Variants in CCDC178 observed in about 807,000 individuals in gnomAD.
The protein encoded by CCDC178 is coiled-coil domain-containing protein 178.
Under a neutral mutation model 117.4 loss-of-function variants are expected in CCDC178, and 126 were observed. That is an observed-to-expected ratio of 1.07 (90% CI 0.93 to 1.24). The LOEUF (loss-of-function observed/expected upper bound fraction) is 1.24. Among genes scored for constraint, CCDC178 ranks in the 50% most tolerant of loss-of-function variants. The pLI is 0.00. For synonymous variants in CCDC178, 283 were observed against 313.4 expected, an observed-to-expected ratio of 0.90 and a Z score of 1.02; for missense variants, 1,030 against 986.9, an observed-to-expected ratio of 1.04 and a Z score of -0.59.
chr18:33,023,500 T>C (rs1429483032), intron 21 of CCDC178, among the ~76,000 whole-genome samples: 1 of 151,786 alleles, frequency 6.6e-6, no homozygotes, highest in Non-Finnish European at 1.5e-5. Context: ...TCAAGGGGAG[T>C]TTAAAAAGTA....
At chr18:33,368,263 T>A in intron 6 of CCDC178, among the ~76,000 whole-genome samples, 1 of 151,970 alleles carries the variant, frequency 6.6e-6, no homozygotes, top group East Asian at 1.9e-4. Flanking sequence ...GGTACATAAA[T>A]CACCATTACC....
chr18:33,427,797 T>C (rs2064142420), intron 2 of CCDC178, among the ~76,000 whole-genome samples: 1 of 152,202 alleles, frequency 6.6e-6, no homozygotes, highest in Non-Finnish European at 1.5e-5. Context: ...TTCTGGTAAT[T>C]ACTTGAGACT....
intron 21 of CCDC178, among the ~76,000 whole-genome samples, chr18:33,059,360 G>T (rs1217346270): frequency 6.6e-6 from 1 of 152,068 alleles, no homozygotes; most frequent in Non-Finnish European, 1.5e-5. Flanking sequence ...TGCTTACTCT[G>T]CATCGTCACT....
intron 20 of CCDC178, among the ~76,000 whole-genome samples, chr18:33,099,895 A>G (rs538090099): frequency 6.6e-6 from 1 of 152,172 alleles, no homozygotes; most frequent in South Asian, 2.1e-4. Flanking sequence ...TTAGTTTTAA[A>G]AGAACATTCT....
Position 33,370,204 on chromosome 18 carries a change from T to C in CCDC178, c.209-15A>G, listed in dbSNP as rs9965655. 0.98 allele frequency: 1,536,243 copies of C among 1,561,356 alleles called. 758,946 individuals carry two copies. The highest frequency in any genetic ancestry group is 1 in the East Asian group (42,372 of 42,372). The stretch of plus-strand genomic sequence containing the variant: ...TTTATTCACCCCTAAAGAGAACAAA[T>C]AGAAGTTCATTACTCATTCTATACA... On this transcript the variant is annotated splice_polypyrimidine_tract_variant and intron_variant, in intron 5 of 22. Transcript: ENST00000383096.
intron 3 of CCDC178, among the ~76,000 whole-genome samples, chr18:33,400,018 A>G (rs1336858344): frequency 2.0e-5 from 3 of 152,126 alleles, no homozygotes; most frequent in African/African-American, 4.8e-5. Context: ...GGCAGGTATG[A>G]AAACATTAAT....
chr18:33,303,389 G>A (rs765325480), intron 11 of CCDC178, among the ~76,000 whole-genome samples: 2 of 152,120 alleles, frequency 1.3e-5, no homozygotes, highest in Non-Finnish European at 2.9e-5. Context: ...GTAGTACAGT[G>A]CAACTATTGA....
At position 33,095,552 on chromosome 18, in the gene CCDC178, T is replaced by G. The variant is rs376828716; in HGVS notation, c.2239-2642A>C. On this transcript the variant is annotated intron_variant, in intron 20 of 22. Transcript: ENST00000383096. ...ATCATTTTGTTCGCCCTAAGAGATG[T>G]TGCACTGCGAAGATCTAACATAAGC... 6.0e-4 allele frequency among the ~76,000 whole-genome samples: 91 copies of G among 152,144 alleles called. 1 individual carries two copies. In the East Asian group the frequency reaches 0.013, roughly 22 times the overall value.
At chr18:33,124,422 T>C (rs2057977112) in intron 20 of CCDC178, among the ~76,000 whole-genome samples, 1 of 152,198 alleles carries the variant, frequency 6.6e-6, no homozygotes, top group Non-Finnish European at 1.5e-5. Context: ...AAATGAAAGA[T>C]GAGTTCTTTA....
At chr18:33,006,039 A>G (rs1435558328) in intron 21 of CCDC178, among the ~76,000 whole-genome samples, 2 of 152,066 alleles carry the variant, frequency 1.3e-5, no homozygotes, top group Non-Finnish European at 2.9e-5. Flanking sequence ...ATATGAGATA[A>G]TTTACAATTT....
chr18:32,994,265 T>C (rs574627352), intron 21 of CCDC178, among the ~76,000 whole-genome samples: 4 of 152,242 alleles, frequency 2.6e-5, no homozygotes, highest in Non-Finnish European at 5.9e-5. Flanking sequence ...CTTTAACTTA[T>C]GTTACTGAAC....
intron 21 of CCDC178, among the ~76,000 whole-genome samples, chr18:32,995,582 T>C (rs2055485979): frequency 6.6e-6 from 1 of 152,112 alleles, no homozygotes; most frequent in Admixed American, 6.6e-5. Context: ...TGCCTCTATT[T>C]CTAACATAAA....
chr18:33,328,082 G>GTTGTTTTTTTTT (rs2062609334), intron 10 of CCDC178: 1 of 242,036 alleles, frequency 4.1e-6, no homozygotes, highest in African/African-American at 3.3e-5. Context: ...TTTATCCCTA[G>GTTGTTTTTTTTT]ATTTTTTTTT....
intron 20 of CCDC178, among the ~76,000 whole-genome samples, chr18:33,117,576 G>T (rs1297487881): frequency 2.0e-5 from 3 of 152,012 alleles, no homozygotes; most frequent in Non-Finnish European, 2.9e-5. Context: ...GTCGTGGGGT[G>T]GGGGGAGCGG....
intron 20 of CCDC178, among the ~76,000 whole-genome samples, chr18:33,179,103 ATATATAAAC>A (rs1417837505): frequency 1.5e-4 from 17 of 115,346 alleles, no homozygotes; most frequent in African/African-American, 5.7e-4. Flanking sequence ...ATATATATAT[ATATATAAAC>A]TATATATATA....
At chr18:32,990,791 G>A (rs1345270968) in intron 21 of CCDC178, among the ~76,000 whole-genome samples, 1 of 151,768 alleles carries the variant, frequency 6.6e-6, no homozygotes, top group Non-Finnish European at 1.5e-5. Context: ...AAATATTAGC[G>A]TCCAGGATTT....
chr18:33,135,258 A>G (rs2144271024), intron 20 of CCDC178, among the ~76,000 whole-genome samples: 1 of 152,246 alleles, frequency 6.6e-6, no homozygotes, highest in Admixed American at 6.5e-5. Flanking sequence ...GTAATGTTAA[A>G]TTTAAAATTT....
chr18:33,382,783 C>T (rs935775272), intron 5 of CCDC178, among the ~76,000 whole-genome samples: 1 of 152,158 alleles, frequency 6.6e-6, no homozygotes, highest in Non-Finnish European at 1.5e-5. Flanking sequence ...GGAGTTTTTA[C>T]ATACTCCACC....
At chr18:33,002,861 T>C (rs888845906) in intron 21 of CCDC178, among the ~76,000 whole-genome samples, 13 of 152,000 alleles carry the variant, frequency 8.6e-5, no homozygotes, top group African/African-American at 2.4e-4. Flanking sequence ...ACTAACACCA[T>C]AGAAATTCAA....
Sources: allele counts gnomAD v4.1 joint callset (sites outside exome capture counted in the v4.1 genomes callset), GRCh38; gene constraint gnomAD v4.1.1; transcripts MANE v1.5; gene names NCBI Gene and HGNC (gene_info 2026-07-23, HGNC 2026-07-21).